The following U2SURP variants were observed in gnomAD, a reference collection of about 807,000 sequenced individuals.
U2SURP encodes the protein U2 snRNP associated SURP domain containing.
A neutral mutation model predicts 144.9 loss-of-function variants in U2SURP; 9 were observed. The ratio of observed to expected loss-of-function variants is 0.06; its 90% CI spans 0.04 to 0.11. The LOEUF (loss-of-function observed/expected upper bound fraction) is 0.11, where lower values mean the gene tolerates loss of function less well. U2SURP is among the 10% of genes least tolerant of loss of function. The pLI, the probability that U2SURP is intolerant of heterozygous loss-of-function variation, is 1.00. For synonymous variants in U2SURP, 408 were observed against 396.8 expected (o/e 1.03, Z -0.33); for missense variants, 724 against 1,226.7 (o/e 0.59, Z 6.12).
At chr3:143,051,875 A>G (rs1392321297) in intron 25 of U2SURP, among the ~76,000 whole-genome samples, 1 of 151,790 alleles carries the variant, frequency 6.6e-6, no homozygotes, top group East Asian at 1.9e-4. Flanking sequence ...TATGAGTTAG[A>G]TAATAGCTAA....
intron 4 of U2SURP, among the ~76,000 whole-genome samples, chr3:143,015,434 A>G (rs975796727): frequency 1.2e-5 from 1 of 80,376 alleles, no homozygotes; most frequent in Non-Finnish European, 2.4e-5. Context: ...CTGGTTTTTC[A>G]GTTTTTTCCA....
At chr3:143,034,866 G>C in intron 18 of U2SURP, 22 bp from the exon 19 acceptor site, 1 of 1,464,892 alleles carries the variant, frequency 6.8e-7, no homozygotes, top group South Asian at 1.2e-5. Flanking sequence ...TTATTTTAAA[G>C]AATGTGTTAT....
rs780783256 is a variant in U2SURP at position 143,020,704 on chromosome 3, T to C, written c.733+11T>C. 2.8e-5 allele frequency: 45 copies of C among 1,599,098 alleles called. No individual in the cohort carries two copies. The East Asian group carries it at 8.3e-4, about 29-fold the overall frequency. ...GTCAGCGTCGTTCTAGTAAGTGGCA[T>C]TTATTTTAATGTGTATGCTTGTGAT... On this transcript the variant is annotated intron_variant, in intron 8 of 27. Coordinates refer to ENST00000473835, the MANE Select transcript of U2SURP (RefSeq NM_001080415.2).
chr3:143,047,551 C>T (rs1397859589), intron 24 of U2SURP, among the ~76,000 whole-genome samples: 31 of 38,728 alleles, frequency 8.0e-4, no homozygotes, highest in African/African-American at 2.8e-3. Context: ...ACCTCCCGGA[C>T]GGGGCGGCTG....
intron 4 of U2SURP, among the ~76,000 whole-genome samples, chr3:143,016,006 A>G (rs1936357306): frequency 6.6e-6 from 1 of 152,150 alleles, no homozygotes. Flanking sequence ...TTGTCTCTAG[A>G]CAAATTTACT....
chr3:143,020,714 T>G lies in U2SURP; in HGVS notation c.733+21T>G. 3 of 1,560,028 alleles carry G rather than the reference T, an allele frequency of 1.9e-6. No homozygotes were observed. In the South Asian group the frequency reaches 3.4e-5, roughly 18 times the overall value. ...TTCTAGTAAGTGGCATTTATTTTAA[T>G]GTGTATGCTTGTGATTAATTACAGT... On this transcript the variant is annotated intron_variant, in intron 8 of 27. Coordinates refer to ENST00000473835, the MANE Select transcript of U2SURP (RefSeq NM_001080415.2).
chr3:143,043,856 C>T (rs1413248214), intron 24 of U2SURP, among the ~76,000 whole-genome samples: 1 of 151,494 alleles, frequency 6.6e-6, no homozygotes, highest in Non-Finnish European at 1.5e-5. Flanking sequence ...GCAAGCTCTC[C>T]CTCCTGGGTT....
At chr3:143,025,616 G>T (rs1050934292) in intron 13 of U2SURP, among the ~76,000 whole-genome samples, 1 of 152,120 alleles carries the variant, frequency 6.6e-6, no homozygotes, top group Non-Finnish European at 1.5e-5. Context: ...GAATGCTGAA[G>T]AACTGCATAT....
intron 20 of U2SURP, among the ~76,000 whole-genome samples, chr3:143,036,449 A>G (rs1272453196): frequency 2.0e-5 from 3 of 152,258 alleles, no homozygotes; most frequent in Non-Finnish European, 4.4e-5. Context: ...AAATATGTGC[A>G]TGAAAAGATG....
chr3:143,055,199 G>T, intron 27 of U2SURP, 80 bp downstream of exon 27: 2 of 1,323,504 alleles, frequency 1.5e-6, no homozygotes, highest in Admixed American at 3.3e-5. Context: ...TAATTTGGTT[G>T]GCATACATTT....
chr3:143,024,298 A>G (rs1169539811), intron 13 of U2SURP, among the ~76,000 whole-genome samples: 1 of 152,174 alleles, frequency 6.6e-6, no homozygotes, highest in Non-Finnish European at 1.5e-5. Context: ...CAGACAATAG[A>G]CTATTGTCAT....
rs1163249541 is a variant in U2SURP, at chr3:143,050,926, T to C, written c.2545-13T>C. The C allele has an allele frequency of 3.9e-6, 6 of 1,553,326 alleles. No homozygotes were observed. The highest frequency in any genetic ancestry group is 3.4e-4 in the Middle Eastern group (2 of 5,908). ...GATGAAAATGCTTATTTTTAAAATA[T>C]TTTATTTCACAGCTCAAAGTTATGA... is the stretch of plus-strand genomic sequence containing the variant. On this transcript the variant is annotated splice_polypyrimidine_tract_variant and intron_variant, in intron 24 of 27. Coordinates refer to ENST00000473835, the MANE Select transcript of U2SURP (RefSeq NM_001080415.2).
chr3:143,021,140 G>A (rs901341582), intron 8 of U2SURP, among the ~76,000 whole-genome samples: 6 of 152,088 alleles, frequency 3.9e-5, no homozygotes, highest in Non-Finnish European at 7.4e-5. Context: ...GCAGTGAGCC[G>A]AGAACGTGCC....
chr3:143,029,354 A>G (rs1412528953), intron 16 of U2SURP, among the ~76,000 whole-genome samples: 1 of 152,142 alleles, frequency 6.6e-6, no homozygotes, highest in Non-Finnish European at 1.5e-5. Flanking sequence ...ATCTGTTGTC[A>G]TTATTTTTCG....
At chr3:143,038,059 C>A (rs761928862) in intron 21 of U2SURP, 49 bp from the exon 22 acceptor site, 3 of 1,359,268 alleles carry the variant, frequency 2.2e-6, no homozygotes, top group East Asian at 2.4e-5. Flanking sequence ...TGTAATACTT[C>A]GGGTCATCCA....
intron 1 of U2SURP, among the ~76,000 whole-genome samples, chr3:143,003,411 A>T (rs1430009322): frequency 6.6e-6 from 1 of 152,190 alleles, no homozygotes; most frequent in Non-Finnish European, 1.5e-5. Context: ...AATAAGGCAG[A>T]TTGCTTAAAC....
At chr3:143,012,460 C>T (rs1368408010) in intron 3 of U2SURP, 107 bp downstream of exon 3, 8 of 1,102,172 alleles carry the variant, frequency 7.3e-6, no homozygotes, top group Non-Finnish European at 9.6e-6. Context: ...TGTGTTTCAT[C>T]TTATTCTATT....
rs567954722 is a variant in U2SURP at position 143,033,043 on chromosome 3, T to C, written c.1773+97T>C. On this transcript the variant is annotated intron_variant, in intron 17 of 27. Coordinates refer to ENST00000473835, the MANE Select transcript of U2SURP (RefSeq NM_001080415.2). ...CACAAAGCACTTGACTGATGAGATT[T>C]TTCCCATGCAGTCTTATGTTATTTC... 3 of 1,351,166 alleles carry C rather than the reference T, an allele frequency of 2.2e-6. No homozygotes were observed. The South Asian group carries it at 4.2e-5, about 19-fold the overall frequency. 83.7% of individuals were successfully genotyped at this position (1,351,166 alleles called of 1,614,324 possible).
intron 16 of U2SURP, among the ~76,000 whole-genome samples, chr3:143,029,766 G>A (rs962937166): frequency 2.6e-5 from 4 of 152,226 alleles, no homozygotes; most frequent in African/African-American, 9.6e-5. Context: ...CAAACAGTGA[G>A]CCAAGTTATC....
Sources: gnomAD v4.1 joint callset for allele counts (sites outside exome capture counted in the v4.1 genomes callset) on GRCh38, gnomAD v4.1.1 for gene constraint, MANE v1.5 for transcripts, NCBI Gene and HGNC (gene_info 2026-07-23, HGNC 2026-07-21) for gene names.